SCN11A: variants seen among roughly 807,000 people sequenced by gnomAD.
The protein encoded by SCN11A is sodium voltage-gated channel alpha subunit 11, also known as sodium channel protein type 11 subunit alpha.
Under a neutral mutation model 162.2 loss-of-function variants are expected in SCN11A, and 122 were observed. The observed-to-expected ratio is 0.75, with a 90% CI of 0.65 to 0.87. The LOEUF (loss-of-function observed/expected upper bound fraction) is 0.87. Ranked by LOEUF, SCN11A falls within the 40% of genes least tolerant of loss-of-function variation. The pLI, the probability that SCN11A is intolerant of heterozygous loss-of-function variation, is 0.00. For missense variants in SCN11A, 2,015 were observed against 2,181.6 expected (o/e 0.92, Z 1.52); for synonymous variants, 758 against 751.5 (o/e 1.01, Z -0.14).
intron 14 of SCN11A, among the ~76,000 whole-genome samples, chr3:38,906,931 G>A (rs1370114358): frequency 6.6e-6 from 1 of 152,060 alleles, no homozygotes; most frequent in East Asian, 1.9e-4. Context: ...GAGCGTGCGT[G>A]CACGCGCATA....
intron 1 of SCN11A, among the ~76,000 whole-genome samples, chr3:39,046,376 C>T (rs2032182643): frequency 1.3e-5 from 2 of 152,206 alleles, no homozygotes; most frequent in Non-Finnish European, 2.9e-5. Flanking sequence ...AGAGGACATA[C>T]ACAAAAATGG....
intron 28 of SCN11A, among the ~76,000 whole-genome samples, chr3:38,852,214 A>G (rs2064793629): frequency 6.6e-6 from 1 of 152,122 alleles, no homozygotes; most frequent in African/African-American, 2.4e-5. Context: ...GGAGGACACT[A>G]CATTTCAGTT....
chr3:38,940,625 C>G (rs976275305), intron 7 of SCN11A, among the ~76,000 whole-genome samples: 2 of 152,080 alleles, frequency 1.3e-5, no homozygotes, highest in Non-Finnish European at 2.9e-5. Flanking sequence ...ACTATGAAGT[C>G]AGATCTATTT....
chr3:38,967,191 G>C (rs1013304078), intron 2 of SCN11A, among the ~76,000 whole-genome samples: 7 of 152,182 alleles, frequency 4.6e-5, no homozygotes, highest in African/African-American at 1.4e-4. Flanking sequence ...GCAGCCCAAT[G>C]ATCCGTATCT....
chr3:38,963,642 G>A (rs371462631), intron 2 of SCN11A, among the ~76,000 whole-genome samples: 7 of 151,722 alleles, frequency 4.6e-5, no homozygotes, highest in Admixed American at 1.3e-4. Context: ...ACTGAACATC[G>A]TATGTTCTCA....
rs1247045810 is a variant in SCN11A at position 38,894,965 on chromosome 3, CT to C, written c.2404-2del. On this transcript the variant is annotated splice_acceptor_variant, in intron 18 of 29. Transcript: ENST00000302328. LOFTEE classifies it high-confidence loss of function. The stretch of plus-strand genomic sequence containing the variant: ...GTAAGGCAATGAAGAGGTTGAGCAC[CT>C]GGGAATGGGGTGGGTAGCAAGAAGA... 1 of 1,595,764 alleles carries C rather than the reference CT, an allele frequency of 6.3e-7. No homozygotes were observed. The highest frequency in any genetic ancestry group is 8.6e-7 in the Non-Finnish European group (1 of 1,168,528).
intron 3 of SCN11A, among the ~76,000 whole-genome samples, chr3:38,956,747 G>C (rs1050351034): frequency 1.3e-5 from 2 of 152,002 alleles, no homozygotes; most frequent in African/African-American, 4.8e-5. Context: ...TATAATTATA[G>C]AGTAGATTAC....
chr3:38,956,032 G>C lies in SCN11A; in HGVS notation c.-138-2273C>G, dbSNP rs563529570. 2.0e-5 allele frequency among the ~76,000 whole-genome samples: 3 copies of C among 152,196 alleles called. No individual in the cohort carries two copies. The South Asian group carries it at 6.2e-4, about 32-fold the overall frequency. Reference sequence around the variant, plus strand: ...GAGGCTGAGGCAGGCAGATCAGGAGGTCAGGAGTTTGAGCCCACCCTGGCC... The same window carrying C: ...GAGGCTGAGGCAGGCAGATCAGGAGCTCAGGAGTTTGAGCCCACCCTGGCC... On this transcript the variant is annotated intron_variant, in intron 3 of 29. Coordinates refer to ENST00000302328, the MANE Select transcript of SCN11A (RefSeq NM_001349253.2).
Position 38,903,903 on chromosome 3 carries a change from C to T in SCN11A, c.1804G>A (p.Glu602Lys). 1 of 1,612,050 alleles carries T rather than the reference C, an allele frequency of 6.2e-7. No individual in the cohort carries two copies. Among genetic ancestry groups the T allele is most frequent in the Non-Finnish European group, 8.5e-7 (1 of 1,179,478 alleles). Residue 602 changes from glutamate to lysine, a missense_variant, in exon 16 of 30, where the codon GAG (glutamate) becomes AAG (lysine). Coordinates refer to ENST00000302328, the MANE Select transcript of SCN11A (RefSeq NM_001349253.2). ...VFLAMEHHKM[E>K]ASFEKMLNIG... ...TTCAACATCTTCTCAAAACTGGCCT[C>T]CATCTTGTGATGCTCCATGGCCAAG...
At chr3:39,010,512 G>T (rs113488209) in intron 2 of SCN11A, among the ~76,000 whole-genome samples, 1 of 151,784 alleles carries the variant, frequency 6.6e-6, no homozygotes, top group Non-Finnish European at 1.5e-5. Flanking sequence ...CCAAGTAGCT[G>T]GGACTACAGG....
intron 2 of SCN11A, among the ~76,000 whole-genome samples, chr3:39,001,909 C>T (rs1046453886): frequency 5.3e-5 from 8 of 151,934 alleles, no homozygotes; most frequent in South Asian, 2.1e-4. Flanking sequence ...TGGTGGCGGG[C>T]GCCTGTAGTC....
At chr3:38,867,640 T>C (rs1209742323) in intron 26 of SCN11A, among the ~76,000 whole-genome samples, 182 bp from the exon 27 acceptor site, 2 of 152,158 alleles carry the variant, frequency 1.3e-5, no homozygotes, top group African/African-American at 4.8e-5. Flanking sequence ...TCAGCTTGAG[T>C]GATGGCATGT....
At chr3:38,987,339 AC>A (rs1239389333) in intron 2 of SCN11A, among the ~76,000 whole-genome samples, 68 of 137,778 alleles carry the variant, frequency 4.9e-4, no homozygotes, top group African/African-American at 2.0e-3. Context: ...ACACACACAC[AC>A]ACCTGTCCTG....
chr3:38,981,072 A>G (rs2030020320), intron 2 of SCN11A, among the ~76,000 whole-genome samples: 1 of 152,218 alleles, frequency 6.6e-6, no homozygotes, highest in African/African-American at 2.4e-5. Flanking sequence ...CTTCAATTTC[A>G]GGAGAAATCC....
intron 2 of SCN11A, among the ~76,000 whole-genome samples, chr3:38,999,066 T>G (rs1390739631): frequency 1.3e-5 from 2 of 152,106 alleles, no homozygotes; most frequent in Non-Finnish European, 2.9e-5. Context: ...ATAATAATAA[T>G]TTTAAAAAAG....
intron 16 of SCN11A, among the ~76,000 whole-genome samples, chr3:38,902,587 G>T (rs978041504): frequency 6.6e-6 from 1 of 150,966 alleles, no homozygotes. Flanking sequence ...GCACGATCTC[G>T]GCTCACTGCA....
rs1259248976 is a variant in SCN11A, at chr3:38,907,342, G to GTGTGTGTGTGTGTA, written c.1473+606_1473+607insTACACACACACACA. On this transcript the variant is annotated intron_variant, in intron 14 of 29. Coordinates refer to ENST00000302328, the MANE Select transcript of SCN11A (RefSeq NM_001349253.2). ...TGTGTGTGTGTGTGTGTGTGTGTGT[G>GTGTGTGTGTGTGTA]TATATATCTATATATACACACACAC... Among the ~76,000 whole-genome samples, 41 of 31,776 alleles carry GTGTGTGTGTGTGTA rather than the reference G, an allele frequency of 1.3e-3. No individual in the cohort carries two copies. The East Asian group carries it at 0.024, about 18-fold the overall frequency. 20.8% of individuals were successfully genotyped at this position (31,776 alleles called of 152,430 possible).
chr3:38,881,509 C>T (rs1186897381), intron 22 of SCN11A, among the ~76,000 whole-genome samples: 1 of 152,160 alleles, frequency 6.6e-6, no homozygotes, highest in Non-Finnish European at 1.5e-5. Context: ...GCTTCAGAGG[C>T]TTCCACATTA....
Position 38,846,419 on chromosome 3 carries a change from T to A in SCN11A, c.*275A>T. The A allele has an allele frequency of 2.5e-6, 1 of 402,506 alleles. No homozygotes were observed. The highest frequency in any genetic ancestry group is 4.5e-5 in the East Asian group (1 of 22,224). 24.9% of individuals were successfully genotyped at this position (402,506 alleles called of 1,614,324 possible). On this transcript the variant is annotated 3_prime_UTR_variant, in exon 30 of 30. Coordinates refer to ENST00000302328, the MANE Select transcript of SCN11A (RefSeq NM_001349253.2). ...GAGCCACTGCGCCCGGCCTGAACTA[T>A]TTCAATCCTAAAATTGGTATGTCCT...
Sources: allele counts gnomAD v4.1 joint callset (sites outside exome capture counted in the v4.1 genomes callset), GRCh38; gene constraint gnomAD v4.1.1; transcripts MANE v1.5; gene names NCBI Gene and HGNC (gene_info 2026-07-23, HGNC 2026-07-21).